Variants in GPHN observed in about 807,000 individuals in gnomAD.
GPHN encodes the protein gephyrin.
A neutral mutation model predicts 95.5 loss-of-function variants in GPHN; 17 were observed. That is an observed-to-expected ratio of 0.18 (90% CI 0.12 to 0.27). GPHN has a LOEUF of 0.27. Among genes scored for constraint, GPHN ranks in the 10% least tolerant of loss-of-function variants. The probability of loss-of-function intolerance (pLI) is 1.00; values close to 1 mark genes in which losing one functional copy is unlikely to be tolerated. For missense variants in GPHN, 660 were observed against 978.1 expected (o/e 0.67, Z 4.34); for synonymous variants, 320 against 322.5 (o/e 0.99, Z 0.08).
chr14:66,606,772 G>A (rs942655596), intron 1 of GPHN, among the ~76,000 whole-genome samples: 1 of 152,040 alleles, frequency 6.6e-6, no homozygotes, highest in Non-Finnish European at 1.5e-5. Flanking sequence ...AATGTTTTTG[G>A]TGTATAGAAG....
the GPHN span, chr14:67,583,917 T>TGCAA: frequency 6.2e-7 from 1 of 1,611,750 alleles, no homozygotes; most frequent in African/African-American, 1.3e-5. Flanking sequence ...AGCAAGTCAC[T>TGCAA]GTGGGGAGGT....
At chr14:67,191,851 T>C in the GPHN span, among the ~76,000 whole-genome samples, 802 of 152,328 alleles carry the variant, frequency 5.3e-3, 6 homozygotes, top group African/African-American at 0.019. Context: ...TCTCTTTTCT[T>C]TTACTAAAAG....
At chr14:66,740,026 A>G (rs1171088013) in intron 2 of GPHN, among the ~76,000 whole-genome samples, 2 of 152,188 alleles carry the variant, frequency 1.3e-5, no homozygotes, top group African/African-American at 4.8e-5. Context: ...TGAAGAGAGA[A>G]ATAGCAAAGT....
At chr14:66,896,816 C>CA (rs879414013) in intron 5 of GPHN, among the ~76,000 whole-genome samples, 20 of 149,150 alleles carry the variant, frequency 1.3e-4, no homozygotes, top group East Asian at 4.0e-4. Flanking sequence ...CAAAACAAAA[C>CA]AAAAAAAAAC....
the GPHN span, among the ~76,000 whole-genome samples, chr14:67,285,413 C>T: frequency 1.4e-5 from 2 of 147,164 alleles, no homozygotes; most frequent in Admixed American, 6.9e-5. Flanking sequence ...GTCGCCCAGG[C>T]TGGAGTGCAG....
chr14:66,948,711 A>G (rs542159450), intron 8 of GPHN, among the ~76,000 whole-genome samples: 1 of 152,278 alleles, frequency 6.6e-6, no homozygotes, highest in South Asian at 2.1e-4. Context: ...ACACATCAAA[A>G]CCTACAGACC....
chr14:67,027,203 A>AT (rs2073972344), intron 10 of GPHN, among the ~76,000 whole-genome samples: 1 of 152,120 alleles, frequency 6.6e-6, no homozygotes, highest in Admixed American at 6.5e-5. Context: ...CAACCACTTT[A>AT]TTTTTAATAA....
the GPHN span, among the ~76,000 whole-genome samples, chr14:67,715,397 G>A: frequency 1.3e-5 from 2 of 152,174 alleles, no homozygotes; most frequent in African/African-American, 4.8e-5. Flanking sequence ...TTTTGTCTAA[G>A]AGGCATTTCT....
rs149703737 is a variant in GPHN at position 66,766,402 on chromosome 14, T to C, written c.144-10062T>C. Among the ~76,000 whole-genome samples the C allele has an allele frequency of 3.1e-3, 477 of 151,944 alleles. 2 individuals are homozygous for C. Among genetic ancestry groups the C allele is most frequent in the African/African-American group, 0.011 (452 of 41,458 alleles). ...CTACACTTTAGGAGTGAAGGCAAAA[T>C]ACTGAAAAAAAGAGAAAAACTATAG... is the stretch of plus-strand genomic sequence containing the variant. On this transcript the variant is annotated intron_variant, in intron 2 of 22. Coordinates refer to ENST00000478722, the MANE Select transcript of GPHN (RefSeq NM_020806.5).
the GPHN span, among the ~76,000 whole-genome samples, chr14:67,358,620 A>G: frequency 6.6e-6 from 1 of 152,184 alleles, no homozygotes; most frequent in Non-Finnish European, 1.5e-5. Flanking sequence ...GGATCACTTG[A>G]GCCCAGGGGT....
In GPHN at chr14:66,825,664, A is replaced by AT. The variant is rs545571583; in HGVS notation, c.294+1106dup. Reference sequence around the variant, plus strand: ...ATATGAAAATGCAATTTTAAGAATTATTTTTTTTCTATTCCTCTATATAAA... The same window carrying AT: ...ATATGAAAATGCAATTTTAAGAATTATTTTTTTTTCTATTCCTCTATATAAA... On this transcript the variant is annotated intron_variant, in intron 4 of 22. Transcript: ENST00000478722. Among the ~76,000 whole-genome samples, 14 of 150,016 alleles carry AT rather than the reference A, an allele frequency of 9.3e-5. No individual in the cohort carries two copies. In the East Asian group the frequency reaches 2.3e-3, roughly 25 times the overall value.
chr14:67,144,266 TATATATATATATATATATATAC>T (rs2080746158), intron 18 of GPHN, among the ~76,000 whole-genome samples: 3 of 102,368 alleles, frequency 2.9e-5, no homozygotes, highest in African/African-American at 1.3e-4. Flanking sequence ...TATATATATA[TATATATATATATATATATATAC>T]ACACACACAT....
chr14:66,653,106 C>T (rs569111667), intron 1 of GPHN, among the ~76,000 whole-genome samples: 4 of 152,254 alleles, frequency 2.6e-5, no homozygotes, highest in African/African-American at 9.6e-5. Context: ...GGAGCTGGTC[C>T]TGGTACTCGG....
chr14:66,523,904 G>T (rs2058579375), intron 1 of GPHN, among the ~76,000 whole-genome samples: 3 of 152,036 alleles, frequency 2.0e-5, no homozygotes, highest in Admixed American at 1.3e-4. Context: ...ACATCATTAA[G>T]GTTCAATACT....
the GPHN span, among the ~76,000 whole-genome samples, chr14:67,276,484 C>T: frequency 6.6e-6 from 1 of 152,080 alleles, no homozygotes; most frequent in African/African-American, 2.4e-5. Context: ...TTACCACAGA[C>T]CAAGTTTTAT....
At chr14:67,486,006 A>G in the GPHN span, among the ~76,000 whole-genome samples, 1 of 152,236 alleles carries the variant, frequency 6.6e-6, no homozygotes, top group Non-Finnish European at 1.5e-5. Flanking sequence ...GCTTCTGGGC[A>G]GAGTCCAGTC....
chr14:66,974,802 T>A (rs1884722241), intron 9 of GPHN, among the ~76,000 whole-genome samples: 1 of 152,162 alleles, frequency 6.6e-6, no homozygotes, highest in Non-Finnish European at 1.5e-5. Context: ...AAGAAGGCAG[T>A]GATTAAGAGC....
intron 18 of GPHN, among the ~76,000 whole-genome samples, chr14:67,147,504 T>TTTTTGTTTTG (rs60628008): frequency 5.8e-4 from 88 of 151,060 alleles, no homozygotes; most frequent in South Asian, 1.5e-3. Flanking sequence ...ACAGTAGGGT[T>TTTTTGTTTTG]TTTTGTTTTG....
At chr14:66,710,164 G>A (rs992946880) in intron 2 of GPHN, among the ~76,000 whole-genome samples, 2 of 152,032 alleles carry the variant, frequency 1.3e-5, no homozygotes, top group Non-Finnish European at 1.5e-5. Context: ...ATCACCCTGG[G>A]TTCTTAGTTA....
Sources: gnomAD v4.1 joint callset for allele counts (sites outside exome capture counted in the v4.1 genomes callset) on GRCh38, gnomAD v4.1.1 for gene constraint, MANE v1.5 for transcripts, NCBI Gene and HGNC (gene_info 2026-07-23, HGNC 2026-07-21) for gene names.